Variants in GNA14 observed in about 807,000 individuals in gnomAD.
GNA14 encodes G protein subunit alpha 14.
A neutral mutation model predicts 42.0 loss-of-function variants in GNA14; 50 were observed. The ratio of observed to expected loss-of-function variants is 1.19; its 90% CI spans 0.95 to 1.51. The LOEUF is 1.51. Among genes scored for constraint, GNA14 ranks in the 40% most tolerant of loss-of-function variants. GNA14 has a pLI of 0.00. For synonymous variants in GNA14, 173 were observed against 163.1 expected (o/e 1.06, Z -0.46); for missense variants, 473 against 446.2 (o/e 1.06, Z -0.54).
In GNA14 at chr9:77,589,309, G is replaced by A. The variant is rs75685686; in HGVS notation, c.124+58361C>T. Among the ~76,000 whole-genome samples, 456 of 152,288 alleles carry A rather than the reference G, an allele frequency of 3.0e-3. 11 individuals carry two copies. The East Asian group carries it at 0.064, about 21-fold the overall frequency. The stretch of plus-strand genomic sequence containing the variant: ...AGGAGGAAGCTATTTGACTTTCTGC[G>A]TCAACCAAACTGTCAGTGTTACCAA... On this transcript the variant is annotated intron_variant, in intron 1 of 6. Coordinates refer to ENST00000341700, the MANE Select transcript of GNA14 (RefSeq NM_004297.4).
rs77587748 is a variant in GNA14 at position 77,468,127 on chromosome 9, C to T, written c.310-33605G>A. ...GCTGGGGAGTGGAGAGAAGCAGCCCCCATCTTCTTGGCCACATCTTCCTGG... is the reference window on the plus strand; with the variant it reads ...GCTGGGGAGTGGAGAGAAGCAGCCCTCATCTTCTTGGCCACATCTTCCTGG... On this transcript the variant is annotated intron_variant, in intron 2 of 6. Coordinates refer to ENST00000341700, the MANE Select transcript of GNA14 (RefSeq NM_004297.4). Among the ~76,000 whole-genome samples the T allele has an allele frequency of 3.2e-3, 493 of 152,240 alleles. 1 individual carries two copies. The highest frequency in any genetic ancestry group is 0.012 in the African/African-American group (482 of 41,524).
chr9:77,501,443 C>T (rs1170480151), intron 2 of GNA14, among the ~76,000 whole-genome samples: 1 of 152,062 alleles, frequency 6.6e-6, no homozygotes. Flanking sequence ...TTTCATTTTC[C>T]TAATAGCTAA....
At chr9:77,526,364 T>C (rs1248747379) in intron 2 of GNA14, 1 of 152,198 alleles carries the variant, frequency 6.6e-6, no homozygotes, top group Non-Finnish European at 1.5e-5. Context: ...GGTTGAATTG[T>C]GTTCCCCCAA....
intron 1 of GNA14, among the ~76,000 whole-genome samples, chr9:77,583,943 C>G (rs528528538): frequency 1.6e-3 from 245 of 152,286 alleles, no homozygotes; most frequent in Non-Finnish European, 2.3e-3. Context: ...CTCCATTGAT[C>G]TGCAGGAATA....
chr9:77,499,117 AT>A (rs1836923049), intron 2 of GNA14, among the ~76,000 whole-genome samples: 1 of 152,216 alleles, frequency 6.6e-6, no homozygotes, highest in Admixed American at 6.5e-5. Flanking sequence ...GTAAGATGGT[AT>A]TAAGGAAAGG....
At chr9:77,521,893 C>T (rs1038409882) in intron 2 of GNA14, among the ~76,000 whole-genome samples, 1 of 152,088 alleles carries the variant, frequency 6.6e-6, no homozygotes, top group Non-Finnish European at 1.5e-5. Flanking sequence ...GGTGCAATGG[C>T]GCGATCTTGG....
At chr9:77,617,983 A>T (rs991506245) in intron 1 of GNA14, among the ~76,000 whole-genome samples, 1 of 152,016 alleles carries the variant, frequency 6.6e-6, no homozygotes, top group African/African-American at 2.4e-5. Flanking sequence ...TATTCATAGT[A>T]CTTACCTAAC....
At chr9:77,629,017 A>G (rs1179359095) in intron 1 of GNA14, among the ~76,000 whole-genome samples, 1 of 152,214 alleles carries the variant, frequency 6.6e-6, no homozygotes, top group Non-Finnish European at 1.5e-5. Context: ...TCCAGAATCT[A>G]CAAGGAATTT....
At chr9:77,553,217 G>A (rs548691617) in intron 1 of GNA14, among the ~76,000 whole-genome samples, 34 of 152,170 alleles carry the variant, frequency 2.2e-4, no homozygotes, top group Admixed American at 7.2e-4. Flanking sequence ...GGATATACCC[G>A]GGCTCCTTCC....
intron 2 of GNA14, among the ~76,000 whole-genome samples, chr9:77,515,309 A>C (rs1290487756): frequency 1.3e-5 from 2 of 152,208 alleles, no homozygotes; most frequent in Non-Finnish European, 2.9e-5. Context: ...GTGGGCAGGC[A>C]AAGAGGAAAG....
In GNA14 at chr9:77,425,572, T is replaced by C. The variant is rs760398367; in HGVS notation, c.867A>G (p.Pro289=). 1.2e-6 allele frequency: 2 copies of C among 1,604,622 alleles called. No individual in the cohort carries two copies. Among genetic ancestry groups the C allele is most frequent in the Non-Finnish European group, 1.7e-6 (2 of 1,174,498 alleles). Residue 289 remains proline (P), a synonymous_variant, in exon 6 of 7, where the codon CCA becomes CCG. Coordinates refer to ENST00000341700, the MANE Select transcript of GNA14 (RefSeq NM_004297.4). ...AAGATAGACACTTACCTGTGTATTCTGGGAAATAGCTAATTAGATGAGAGT... is the reference window on the plus strand; with the variant it reads ...AAGATAGACACTTACCTGTGTATTCCGGGAAATAGCTAATTAGATGAGAGT... ...IMYSHLISYF[P]EYTGPKQDVR... is the part of the protein sequence containing the mutation.
At chr9:77,446,104 G>A (rs759141214) in intron 2 of GNA14, among the ~76,000 whole-genome samples, 11 of 152,188 alleles carry the variant, frequency 7.2e-5, no homozygotes, top group Non-Finnish European at 1.6e-4. Flanking sequence ...AAACGTGAGT[G>A]ACCAGAGCGG....
chr9:77,478,652 A>G (rs900697467), intron 2 of GNA14, among the ~76,000 whole-genome samples: 1 of 152,132 alleles, frequency 6.6e-6, no homozygotes, highest in African/African-American at 2.4e-5. Context: ...CAACAGTATA[A>G]AAGTGTTCCT....
Position 77,558,965 on chromosome 9 carries a change from TCC to T in GNA14, c.125-29714_125-29713del, listed in dbSNP as rs1380764801. Among the ~76,000 whole-genome samples the T allele has an allele frequency of 3.3e-5, 5 of 151,458 alleles. 1 individual carries two copies. Among genetic ancestry groups the T allele is most frequent in the Non-Finnish European group, 7.4e-5 (5 of 67,860 alleles). Reference sequence around the variant, plus strand: ...ACAAAAAACAAACAAACAAAAAACCTCCTCCTGAGAACCTAAGCAGGATGGGG... The same window carrying T: ...ACAAAAAACAAACAAACAAAAAACCTTCCTGAGAACCTAAGCAGGATGGGG... On this transcript the variant is annotated intron_variant, in intron 1 of 6. Coordinates refer to ENST00000341700, the MANE Select transcript of GNA14 (RefSeq NM_004297.4).
intron 1 of GNA14, among the ~76,000 whole-genome samples, chr9:77,564,296 T>TTA (rs1554698969): frequency 3.0e-5 from 4 of 134,800 alleles, no homozygotes; most frequent in East Asian, 4.3e-4. Flanking sequence ...CAGCACAATT[T>TTA]AAAAAAAAAA....
chr9:77,539,360 T>C (rs761443361), intron 1 of GNA14, among the ~76,000 whole-genome samples: 1 of 152,236 alleles, frequency 6.6e-6, no homozygotes, highest in Non-Finnish European at 1.5e-5. Flanking sequence ...TAAATTCTAG[T>C]TGGTCATGGT....
rs1837488426 is a variant in GNA14, at chr9:77,529,139, AAT to A, written c.237_238del (p.Phe80HisfsTer20). ...TCTGATCATGGCTTGCATGGCGGTG[AAT>A]ATGTTTTGGTAAACCAGCTTCGTGA... On this transcript the variant is annotated frameshift_variant, in exon 2 of 7. Coordinates refer to ENST00000341700, the MANE Select transcript of GNA14 (RefSeq NM_004297.4). LOFTEE classifies it high-confidence loss of function. 1.9e-6 allele frequency: 3 copies of A among 1,614,120 alleles called. No individual in the cohort carries two copies. Among genetic ancestry groups the A allele is most frequent in the East Asian group, 4.5e-5 (2 of 44,888 alleles).
intron 2 of GNA14, among the ~76,000 whole-genome samples, chr9:77,500,272 C>T (rs184129364): frequency 6.6e-6 from 1 of 152,254 alleles, no homozygotes; most frequent in African/African-American, 2.4e-5. Flanking sequence ...CCTGCCTCAG[C>T]CTCCCAGAGT....
At chr9:77,554,374 T>C (rs1822731103) in intron 1 of GNA14, among the ~76,000 whole-genome samples, 1 of 152,232 alleles carries the variant, frequency 6.6e-6, no homozygotes, top group South Asian at 2.1e-4. Context: ...AACACAATTC[T>C]ATCCCCTCTT....
Sources: gnomAD v4.1 joint callset for allele counts (sites outside exome capture counted in the v4.1 genomes callset) on GRCh38, gnomAD v4.1.1 for gene constraint, MANE v1.5 for transcripts, NCBI Gene and HGNC (gene_info 2026-07-23, HGNC 2026-07-21) for gene names.